Variants in SMC5 observed in about 807,000 individuals in gnomAD.
SMC5 encodes structural maintenance of chromosomes 5.
In SMC5, 88 loss-of-function variants were observed where a neutral mutation model predicts 148.3. That is an observed-to-expected ratio of 0.59 (90% CI 0.50 to 0.71). The LOEUF is 0.71. Among genes scored for constraint, SMC5 ranks in the 30% least tolerant of loss-of-function variants. The pLI is 0.00. For synonymous variants in SMC5, 421 were observed against 432.8 expected (o/e 0.97, Z 0.34); for missense variants, 1,142 against 1,298.9 (o/e 0.88, Z 1.86).
chr9:70,335,128 T>C (rs1172767966), intron 17 of SMC5, among the ~76,000 whole-genome samples: 2 of 152,140 alleles, frequency 1.3e-5, no homozygotes, highest in African/African-American at 4.8e-5. Flanking sequence ...ACCTGACATA[T>C]GAAATGAAAG....
Position 70,286,203 on chromosome 9 carries a change from A to G in SMC5, c.985A>G (p.Thr329Ala). ...NLEARIKEKA[T>A]DIKEASQKCK... is the part of the protein sequence containing the mutation. ...TCTCCCCGGTTTAATTTTACAGGCA[A>G]CAGATATTAAGGAGGCATCTCAAAA... The change falls in exon 8 of 25, where the codon ACA becomes GCA. Residue 329 changes from threonine to alanine, a missense_variant. Around this residue, in one of 5 missense-constraint regions of SMC5, gnomAD observed 743 missense variants for 835.7 expected, o/e 0.89. Transcript: ENST00000361138. The G allele has an allele frequency of 7.2e-6, 11 of 1,535,742 alleles. No homozygotes were observed. Among genetic ancestry groups the G allele is most frequent in the Non-Finnish European group, 9.7e-6 (11 of 1,129,118 alleles).
At chr9:70,293,109 ACT>A (rs1386603481) in intron 8 of SMC5, among the ~76,000 whole-genome samples, 2 of 151,862 alleles carry the variant, frequency 1.3e-5, no homozygotes, top group African/African-American at 2.4e-5. Flanking sequence ...CTCAAGTGAA[ACT>A]CTCTGGTTGT....
rs78306363 is a variant in SMC5 at position 70,322,915 on chromosome 9, T to C, written c.2151-568T>C. Among the ~76,000 whole-genome samples the C allele has an allele frequency of 1.0e-3, 154 of 152,302 alleles. No homozygotes were observed. The East Asian group carries it at 0.027, about 26-fold the overall frequency. On this transcript the variant is annotated intron_variant, in intron 15 of 24. Coordinates refer to ENST00000361138, the MANE Select transcript of SMC5 (RefSeq NM_015110.4). ...AACACTACTCTCCTTTAGGCAAGCT[T>C]TTATGATTCTTCAAAATGTTATTTC...
intron 11 of SMC5, among the ~76,000 whole-genome samples, chr9:70,308,449 C>T (rs575125836): frequency 2.9e-4 from 44 of 151,716 alleles, no homozygotes; most frequent in African/African-American, 9.7e-4. Flanking sequence ...AAAAATTAGC[C>T]GGGCGTGGTG....
At chr9:70,293,155 T>C (rs775261445) in intron 8 of SMC5, among the ~76,000 whole-genome samples, 2 of 152,174 alleles carry the variant, frequency 1.3e-5, no homozygotes, top group African/African-American at 2.4e-5. Flanking sequence ...TTTAAAATTA[T>C]GTTTTCAACT....
At position 70,259,090 on chromosome 9, in the gene SMC5, G is replaced by A. The variant is rs146010752; in HGVS notation, c.12G>A (p.Pro4=). MAT[P]SKKTSTPSPQ... is the part of the protein sequence containing the mutation. ...CTGAGGAAGCCAGGATGGCGACTCC[G>A]AGCAAGAAGACGTCAACTCCAAGCC... Residue 4 remains proline, a synonymous_variant, in exon 1 of 25, where the codon CCG becomes CCA. Coordinates refer to ENST00000361138, the MANE Select transcript of SMC5 (RefSeq NM_015110.4). The A allele has an allele frequency of 7.7e-5, 123 of 1,606,992 alleles. No homozygotes were observed. In the African/African-American group the frequency reaches 1.4e-3, roughly 18 times the overall value.
intron 1 of SMC5, 31 bp from the exon 2 acceptor site, chr9:70,264,273 T>C (rs1319587342): frequency 6.3e-7 from 1 of 1,592,488 alleles, no homozygotes; most frequent in Non-Finnish European, 8.6e-7. Context: ...TTTGTATCTC[T>C]CCTTAATAAT....
intron 9 of SMC5, among the ~76,000 whole-genome samples, chr9:70,299,375 A>G (rs528201232): frequency 3.3e-5 from 5 of 150,502 alleles, no homozygotes; most frequent in African/African-American, 9.7e-5. Context: ...TTGAAGAGGG[A>G]AAAAAAAAGC....
At chr9:70,322,179 A>C (rs1300747489) in intron 15 of SMC5, among the ~76,000 whole-genome samples, 1 of 150,644 alleles carries the variant, frequency 6.6e-6, no homozygotes, top group African/African-American at 2.4e-5. Flanking sequence ...AAAGCAAGAT[A>C]TATCTATTTA....
At chr9:70,308,288 A>T (rs2035559248) in intron 11 of SMC5, among the ~76,000 whole-genome samples, 1 of 152,042 alleles carries the variant, frequency 6.6e-6, no homozygotes, top group Admixed American at 6.6e-5. Flanking sequence ...TCAAGCCTAG[A>T]ACCCTCTGAA....
At position 70,352,439 on chromosome 9, in the gene SMC5, G is replaced by T; in HGVS notation, c.*108G>T. 8.8e-7 allele frequency: 1 copy of T among 1,138,954 alleles called. No individual in the cohort carries two copies. Among genetic ancestry groups the T allele is most frequent in the Non-Finnish European group, 1.2e-6 (1 of 811,510 alleles). 70.6% of individuals were successfully genotyped at this position (1,138,954 alleles called of 1,614,324 possible). A position where few individuals can be genotyped will look rare whatever the true frequency, so the allele number is the denominator to read the frequency against. ...ACTAAAACGAAAAGCAGTTATTTTT[G>T]GAAACCTGCTTTTAAATACAAATAG... On this transcript the variant is annotated 3_prime_UTR_variant, in exon 25 of 25. Transcript: ENST00000361138.
intron 7 of SMC5, among the ~76,000 whole-genome samples, chr9:70,284,605 T>G (rs1477146503): frequency 6.6e-6 from 1 of 152,158 alleles, no homozygotes; most frequent in Non-Finnish European, 1.5e-5. Flanking sequence ...AACCCTTTGT[T>G]TTGTCTATTT....
At chr9:70,323,672 C>A in intron 16 of SMC5, 66 bp downstream of exon 16, 2 of 1,506,166 alleles carry the variant, frequency 1.3e-6, no homozygotes, top group Admixed American at 4.3e-5. Context: ...ATAGTAAAAT[C>A]TTTAGAGGGA....
At chr9:70,278,379 A>G (rs986363133) in intron 4 of SMC5, 112 bp from the exon 5 acceptor site, 5 of 959,964 alleles carry the variant, frequency 5.2e-6, no homozygotes, top group Non-Finnish European at 7.5e-6. Flanking sequence ...TTATATCTCA[A>G]ATGTTTTTTT....
chr9:70,333,443 C>T (rs974628116), intron 17 of SMC5, among the ~76,000 whole-genome samples: 2 of 152,062 alleles, frequency 1.3e-5, no homozygotes, highest in East Asian at 1.9e-4. Context: ...GCGCTTCAGC[C>T]TCCTGGACGA....
At chr9:70,275,217 C>CT (rs1214452718) in intron 3 of SMC5, among the ~76,000 whole-genome samples, 1 of 151,814 alleles carries the variant, frequency 6.6e-6, no homozygotes, top group Non-Finnish European at 1.5e-5. Flanking sequence ...TGCTGTATTC[C>CT]TTTTTTTGTT....
intron 17 of SMC5, among the ~76,000 whole-genome samples, chr9:70,338,854 T>C (rs1010265861): frequency 2.0e-5 from 3 of 152,188 alleles, no homozygotes; most frequent in Non-Finnish European, 2.9e-5. Flanking sequence ...GTTTTTCTTA[T>C]TCATATGTTG....
At chr9:70,336,195 G>A (rs756347022) in intron 17 of SMC5, among the ~76,000 whole-genome samples, 8 of 151,904 alleles carry the variant, frequency 5.3e-5, no homozygotes, top group Non-Finnish European at 8.8e-5. Flanking sequence ...ACAGAGGGTA[G>A]ATTTTAGGAA....
intron 15 of SMC5, among the ~76,000 whole-genome samples, chr9:70,319,237 T>C (rs1278646488): frequency 6.6e-6 from 1 of 152,210 alleles, no homozygotes; most frequent in African/African-American, 2.4e-5. Flanking sequence ...ACATGGATTG[T>C]ATTTATTGAT....
Sources: gnomAD v4.1 joint callset for allele counts (sites outside exome capture counted in the v4.1 genomes callset) on GRCh38, gnomAD v4.1.1 for gene constraint, gnomAD v4.1.1 regional missense constraint, MANE v1.5 for transcripts, NCBI Gene and HGNC (gene_info 2026-07-23, HGNC 2026-07-21) for gene names.